Variants in GJB5 observed in about 807,000 individuals in gnomAD.
The protein encoded by GJB5 is gap junction beta-5 protein.
For synonymous variants in GJB5, 146 were observed against 145.5 expected, an observed-to-expected ratio of 1.00 and a Z score of -0.02; for missense variants, 333 against 357.9, an observed-to-expected ratio of 0.93 and a Z score of 0.56.
chr1:34,758,133 T>A lies in GJB5; in HGVS notation c.803T>A (p.Val268Glu). 1 of 1,612,832 alleles carries A rather than the reference T, an allele frequency of 6.2e-7. No individual in the cohort carries two copies. Residue 268 changes from valine to glutamate, a missense_variant, in exon 2 of 2, where the codon GTG becomes GAG. Coordinates refer to ENST00000338513, the MANE Select transcript of GJB5 (RefSeq NM_005268.4). ...TTACCAGACCGCCCCCGAGACCATGTGAAGAAAACCATCTTGTGAGGGGCT... is the reference window on the plus strand; with the variant it reads ...TTACCAGACCGCCCCCGAGACCATGAGAAGAAAACCATCTTGTGAGGGGCT... ...PLLPDRPRDHVKKTIL is the reference protein window; with the variant it reads ...PLLPDRPRDHEKKTIL
At position 34,758,312 on chromosome 1, in the gene GJB5, A is replaced by C. The variant is rs28695349; in HGVS notation, c.*160A>C. On this transcript the variant is annotated 3_prime_UTR_variant, in exon 2 of 2. Transcript: ENST00000338513. ...GAGCCAGTTCCTAGTCCTCAACTCC[A>C]GCCACCTGCCCCAGCTCGACGGCAC... is the stretch of plus-strand genomic sequence containing the variant. 0.065 allele frequency: 41,153 copies of C among 629,180 alleles called. 2,704 individuals are homozygous for C. Among genetic ancestry groups the C allele is most frequent in the East Asian group, 0.31 (11,444 of 36,370 alleles). 39.0% of individuals were successfully genotyped at this position (629,180 alleles called of 1,614,324 possible). A position where few individuals can be genotyped will look rare whatever the true frequency, so the allele number is the denominator to read the frequency against.
At position 34,757,647 on chromosome 1, in the gene GJB5, G is replaced by C. The variant is rs373223088; in HGVS notation, c.317G>C (p.Arg106Pro). ...CGGGAGGTTCAGGAGAAGAGGCACC[G>C]AGAAGCCCATGGGGAGAACAGTGGG... ...AYREVQEKRHREAHGENSGRL... is the reference protein window; with the variant it reads ...AYREVQEKRHPEAHGENSGRL... Residue 106 changes from arginine (R) to proline (P), a missense_variant, in exon 2 of 2, where the codon CGA becomes CCA. Transcript: ENST00000338513. 6.2e-7 allele frequency: 1 copy of C among 1,614,024 alleles called. No homozygotes were observed. Among genetic ancestry groups the C allele is most frequent in the African/African-American group, 1.3e-5 (1 of 75,004 alleles).
rs899663324 is a variant in GJB5 at position 34,757,688 on chromosome 1, C to G, written c.358C>G (p.Pro120Ala). 5 of 1,613,816 alleles carry G rather than the reference C, an allele frequency of 3.1e-6. No homozygotes were observed. The highest frequency in any genetic ancestry group is 3.4e-6 in the Non-Finnish European group (4 of 1,179,988). Residue 120 changes from proline to alanine, a missense_variant, in exon 2 of 2, where the codon CCC becomes GCC. Physicochemically the swap from Pro to Ala is conservative, Grantham distance 27 (BLOSUM62 -1). Coordinates refer to ENST00000338513, the MANE Select transcript of GJB5 (RefSeq NM_005268.4). ...GAACAGTGGGCGCCTCTACCTGAAC[C>G]CCGGCAAGAAGCGGGGTGGGCTCTG... ...GENSGRLYLNPGKKRGGLWWT... is the reference protein window; with the variant it reads ...GENSGRLYLNAGKKRGGLWWT...
At position 34,755,767 on chromosome 1, in the gene GJB5, A is replaced by G. The variant is rs559911226; in HGVS notation, c.-25+572A>G. 4.3e-3 allele frequency among the ~76,000 whole-genome samples: 655 copies of G among 152,278 alleles called. 5 individuals carry two copies. The highest frequency in any genetic ancestry group is 0.017 in the Middle Eastern group (5 of 294). On this transcript the variant is annotated intron_variant, in intron 1 of 1. Coordinates refer to ENST00000338513, the MANE Select transcript of GJB5 (RefSeq NM_005268.4). ...AACTTGAGGAAAGGGTCTGAGGCCT[A>G]AGGCTGGGCAGTTCCCGGAGGGTGG... is the stretch of plus-strand genomic sequence containing the variant.
Position 34,757,494 on chromosome 1 carries a change from C to T in GJB5, c.164C>T (p.Thr55Ile). Reference sequence around the variant, plus strand: ...GACCACAAGGACTTCGACTGCAATACTCGCCAGCCCGGCTGCTCCAACGTC... The same window carrying T: ...GACCACAAGGACTTCGACTGCAATATTCGCCAGCCCGGCTGCTCCAACGTC... The part of the protein sequence containing the change: ...SDDHKDFDCN[T>I]RQPGCSNVCF... Residue 55 changes from threonine (T) to isoleucine (I), a missense_variant, in exon 2 of 2, where the codon ACT (threonine) becomes ATT (isoleucine). Coordinates refer to ENST00000338513, the MANE Select transcript of GJB5 (RefSeq NM_005268.4). 6.2e-7 allele frequency: 1 copy of T among 1,614,174 alleles called. No homozygotes were observed. The highest frequency in any genetic ancestry group is 8.5e-7 in the Non-Finnish European group (1 of 1,180,038).
chr1:34,757,541 G>C lies in GJB5; in HGVS notation c.211G>C (p.Val71Leu), dbSNP rs1639615144. The change falls in exon 2 of 2, where the codon GTG becomes CTG. Residue 71 changes from valine (V) to leucine (L), a missense_variant. Physicochemically the swap from Val to Leu is conservative, Grantham distance 32. Coordinates refer to ENST00000338513, the MANE Select transcript of GJB5 (RefSeq NM_005268.4). ...SNVCFDEFFPVSHVRLWALQL... is the reference protein window; with the variant it reads ...SNVCFDEFFPLSHVRLWALQL... ...CGTCTGCTTTGATGAGTTCTTCCCT[G>C]TGTCCCATGTGCGCCTCTGGGCCCT... 1 of 1,614,032 alleles carries C rather than the reference G, an allele frequency of 6.2e-7. No homozygotes were observed.
rs1639571640 is a variant in GJB5, at chr1:34,755,806, C to T, written c.-25+611C>T. On this transcript the variant is annotated intron_variant, in intron 1 of 1. Coordinates refer to ENST00000338513, the MANE Select transcript of GJB5 (RefSeq NM_005268.4). ...CCCGGAGGGTGGGCTCTAGAGCCAGCCTGCCTGGGTTCAAATCCTAGCTCT... is the reference window on the plus strand; with the variant it reads ...CCCGGAGGGTGGGCTCTAGAGCCAGTCTGCCTGGGTTCAAATCCTAGCTCT... 2.6e-5 allele frequency among the ~76,000 whole-genome samples: 4 copies of T among 152,160 alleles called. No homozygotes were observed. In the South Asian group the frequency reaches 8.3e-4, roughly 32 times the overall value.
rs146239883 is a variant in GJB5 at position 34,757,855 on chromosome 1, C to G, written c.525C>G (p.Cys175Trp). ...ATCCATGTCCCAATATAGTGGACTG[C>G]TTCATCTCCAAGCCCTCAGAGAAGA... Reference protein sequence around the residue: ...HADPCPNIVDCFISKPSEKNI... With the variant: ...HADPCPNIVDWFISKPSEKNI... Residue 175 changes from cysteine to tryptophan, a missense_variant, in exon 2 of 2, where the codon TGC (cysteine) becomes TGG (tryptophan). By Grantham distance (215) the Cys-to-Trp change is radical. Coordinates refer to ENST00000338513, the MANE Select transcript of GJB5 (RefSeq NM_005268.4). 5 of 1,613,962 alleles carry G rather than the reference C, an allele frequency of 3.1e-6. No homozygotes were observed. Among genetic ancestry groups the G allele is most frequent in the Non-Finnish European group, 4.2e-6 (5 of 1,180,008 alleles).
Position 34,758,333 on chromosome 1 carries a change from G to A in GJB5, c.*181G>A, listed in dbSNP as rs530117698. 1.0e-3 allele frequency: 637 copies of A among 617,390 alleles called. 5 individuals are homozygous for A. In the African/African-American group the frequency reaches 0.011, roughly 10 times the overall value. 38.2% of individuals were successfully genotyped at this position (617,390 alleles called of 1,614,324 possible). A position where few individuals can be genotyped will look rare whatever the true frequency, so the allele number is the denominator to read the frequency against. On this transcript the variant is annotated 3_prime_UTR_variant, in exon 2 of 2. Coordinates refer to ENST00000338513, the MANE Select transcript of GJB5 (RefSeq NM_005268.4). ...CTCCAGCCACCTGCCCCAGCTCGAC[G>A]GCACTGGGCCAGTTCCCCCTCTGCT... is the stretch of plus-strand genomic sequence containing the variant.
chr1:34,756,809 A>G (rs908090412), intron 1 of GJB5, among the ~76,000 whole-genome samples: 4 of 152,208 alleles, frequency 2.6e-5, no homozygotes, highest in Non-Finnish European at 1.5e-5. Flanking sequence ...TTCCAGTCCC[A>G]TCCCTGAGCC....
chr1:34,758,102 C>G lies in GJB5; in HGVS notation c.772C>G (p.Pro258Ala). The change falls in exon 2 of 2, where the codon CCT becomes GCT. Residue 258 changes from proline to alanine, a missense_variant. Physicochemically the swap from Pro to Ala is conservative, Grantham distance 27. Transcript: ENST00000338513. ...CTTTCTGGGCTCAGACAGTCATCCT[C>G]CTCTCTTACCAGACCGCCCCCGAGA... ...LIFLGSDSHP[P>A]LLPDRPRDHV... 6.2e-7 allele frequency: 1 copy of G among 1,614,006 alleles called. No individual in the cohort carries two copies. The highest frequency in any genetic ancestry group is 8.5e-7 in the Non-Finnish European group (1 of 1,180,014).
At chr1:34,755,639 C>T (rs1366587416) in intron 1 of GJB5, among the ~76,000 whole-genome samples, 1 of 150,792 alleles carries the variant, frequency 6.6e-6, no homozygotes, top group African/African-American at 2.4e-5. Context: ...GGTGTGGAGA[C>T]AGGGTGGTGG....
In GJB5 at chr1:34,757,873, A is replaced by G. The variant is rs1639625035; in HGVS notation, c.543A>G (p.Ser181=). The change falls in exon 2 of 2, where the codon TCA becomes TCG. Residue 181 remains serine (S), a synonymous_variant. Transcript: ENST00000338513. Reference sequence around the variant, plus strand: ...TGGACTGCTTCATCTCCAAGCCCTCAGAGAAGAACATTTTCACCCTCTTCA... The same window carrying G: ...TGGACTGCTTCATCTCCAAGCCCTCGGAGAAGAACATTTTCACCCTCTTCA... The part of the protein sequence containing the change: ...NIVDCFISKP[S]EKNIFTLFMV... 6.2e-7 allele frequency: 1 copy of G among 1,613,992 alleles called. No individual in the cohort carries two copies. Among genetic ancestry groups the G allele is most frequent in the Middle Eastern group, 1.6e-4 (1 of 6,062 alleles).
chr1:34,755,623 G>A (rs1165976323), intron 1 of GJB5, among the ~76,000 whole-genome samples: 7 of 150,110 alleles, frequency 4.7e-5, no homozygotes, highest in East Asian at 4.0e-4. Context: ...TCCAAGTGGC[G>A]CAGGTGGTGT....
In GJB5 at chr1:34,757,608, T is replaced by C; in HGVS notation, c.278T>C (p.Met93Thr). The C allele has an allele frequency of 1.2e-6, 2 of 1,614,128 alleles. No homozygotes were observed. The highest frequency in any genetic ancestry group is 1.1e-5 in the South Asian group (1 of 91,078). ...ACATGCCCCTCACTGCTCGTGGTCA[T>C]GCACGTGGCCTACCGGGAGGTTCAG... ...LVTCPSLLVV[M>T]HVAYREVQEK... The change falls in exon 2 of 2, where the codon ATG becomes ACG. Residue 93 changes from methionine to threonine, a missense_variant. Physicochemically the swap from Met to Thr is moderately conservative, Grantham distance 81. Coordinates refer to ENST00000338513, the MANE Select transcript of GJB5 (RefSeq NM_005268.4).
At chr1:34,756,596 T>C (rs1639586674) in intron 1 of GJB5, among the ~76,000 whole-genome samples, 1 of 152,212 alleles carries the variant, frequency 6.6e-6, no homozygotes, top group Non-Finnish European at 1.5e-5. Flanking sequence ...TGCCAACCTA[T>C]GGGACAGGGT....
Position 34,758,151 on chromosome 1 carries a change from G to A in GJB5, c.821G>A (p.Ter274=). The stretch of plus-strand genomic sequence containing the variant: ...GACCATGTGAAGAAAACCATCTTGT[G>A]AGGGGCTGCCTGGACTGGTCTGGCA... The part of the protein sequence containing the change: ...PRDHVKKTIL[*] Residue 274 remains the stop codon, a stop_retained_variant, in exon 2 of 2, where the codon TGA becomes TAA. Transcript: ENST00000338513. 1 of 1,612,674 alleles carries A rather than the reference G, an allele frequency of 6.2e-7. No individual in the cohort carries two copies.
In GJB5 at chr1:34,758,301, T is replaced by C. The variant is rs565532072; in HGVS notation, c.*149T>C. ...AGACGCTCTGGGAGCCAGTTCCTAGTCCTCAACTCCAGCCACCTGCCCCAG... is the reference window on the plus strand; with the variant it reads ...AGACGCTCTGGGAGCCAGTTCCTAGCCCTCAACTCCAGCCACCTGCCCCAG... On this transcript the variant is annotated 3_prime_UTR_variant, in exon 2 of 2. Coordinates refer to ENST00000338513, the MANE Select transcript of GJB5 (RefSeq NM_005268.4). 656 of 646,546 alleles carry C rather than the reference T, an allele frequency of 1.0e-3. 7 individuals are homozygous for C. The Middle Eastern group carries it at 0.014, about 14-fold the overall frequency. The allele number at this position is 646,546 out of a possible 1,614,324, so 40.1% of individuals were successfully genotyped here.
In GJB5 at chr1:34,757,738, G is replaced by A. The variant is rs149492204; in HGVS notation, c.408G>A (p.Val136=). 269 of 1,613,990 alleles carry A rather than the reference G, an allele frequency of 1.7e-4. No homozygotes were observed. The African/African-American group carries it at 3.4e-3, about 20-fold the overall frequency. Residue 136 remains valine (V), a synonymous_variant, in exon 2 of 2, where the codon GTG becomes GTA. Coordinates refer to ENST00000338513, the MANE Select transcript of GJB5 (RefSeq NM_005268.4). ...GGTGGACATATGTCTGCAGCCTAGTGTTCAAGGCGAGCGTGGACATCGCCT... is the reference window on the plus strand; with the variant it reads ...GGTGGACATATGTCTGCAGCCTAGTATTCAAGGCGAGCGTGGACATCGCCT... The part of the protein sequence containing the change: ...GLWWTYVCSL[V]FKASVDIAFL...
Sources: allele counts gnomAD v4.1 joint callset (sites outside exome capture counted in the v4.1 genomes callset), GRCh38; gene constraint gnomAD v4.1.1; transcripts MANE v1.5; gene names NCBI Gene and HGNC (gene_info 2026-07-23, HGNC 2026-07-21).